Variants in SCMH1 observed in about 807,000 individuals in gnomAD.
The protein encoded by SCMH1 is Scm polycomb group protein homolog 1, also known as polycomb protein SCMH1.
A neutral mutation model predicts 70.8 loss-of-function variants in SCMH1; 37 were observed. The observed-to-expected ratio is 0.52, with a 90% CI of 0.40 to 0.69. The LOEUF is 0.69. Ranked by LOEUF, SCMH1 falls within the 30% of genes least tolerant of loss-of-function variation. The pLI, the probability that SCMH1 is intolerant of heterozygous loss-of-function variation, is 0.00. For missense variants in SCMH1, 607 were observed against 827.3 expected, an observed-to-expected ratio of 0.73 and a Z score of 3.27; for synonymous variants, 292 against 307.4, an observed-to-expected ratio of 0.95 and a Z score of 0.52.
chr1:41,028,553 T>C (rs766246549), intron 14 of SCMH1, 31 bp downstream of exon 15: 1 of 1,613,690 alleles, frequency 6.2e-7, no homozygotes, highest in Non-Finnish European at 8.5e-7. Context: ...CCACACAGGT[T>C]CCTACTGAGA....
At chr1:41,218,595 T>C (rs1273994709) in intron 1 of SCMH1, among the ~76,000 whole-genome samples, 1 of 152,144 alleles carries the variant, frequency 6.6e-6, no homozygotes, top group East Asian at 1.9e-4. Context: ...AGAGAATAAA[T>C]TTCTGTTGTT....
intron 1 of SCMH1, among the ~76,000 whole-genome samples, chr1:41,238,289 A>C (rs1662801880): frequency 6.6e-6 from 1 of 152,224 alleles, no homozygotes; most frequent in Non-Finnish European, 1.5e-5. Flanking sequence ...ATTAAGTATT[A>C]GCAGAAAGGA....
chr1:41,194,464 G>A (rs192692875), intron 1 of SCMH1, among the ~76,000 whole-genome samples: 162 of 152,302 alleles, frequency 1.1e-3, no homozygotes, highest in African/African-American at 3.7e-3. Flanking sequence ...GATATGCAGT[G>A]AAATTAGATT....
chr1:41,119,609 G>C (rs1262769614), intron 6 of SCMH1, among the ~76,000 whole-genome samples: 1 of 152,106 alleles, frequency 6.6e-6, no homozygotes, highest in East Asian at 1.9e-4. Context: ...TCCCATGTTA[G>C]GCCAGTTGTT....
intron 6 of SCMH1, 147 bp downstream of exon 6, chr1:41,142,731 G>T: frequency 1.6e-6 from 1 of 640,768 alleles, no homozygotes; most frequent in Non-Finnish European, 2.7e-6. Flanking sequence ...TGTGCAGCTT[G>T]TTTCATTTTG....
intron 1 of SCMH1, among the ~76,000 whole-genome samples, chr1:41,236,123 A>G (rs536311475): frequency 6.6e-6 from 1 of 152,346 alleles, no homozygotes; most frequent in East Asian, 1.9e-4. Flanking sequence ...GCTAGATTGT[A>G]GTTTATGTGT....
chr1:41,028,120 G>A, exon 15 of SCMH1: 1 of 1,588,226 alleles, frequency 6.3e-7, no homozygotes, highest in Non-Finnish European at 8.6e-7. Context: ...TGCCTGGGGT[G>A]GGCTGATGCC....
intron 4 of SCMH1, among the ~76,000 whole-genome samples, chr1:41,151,986 G>A (rs918221657): frequency 1.3e-5 from 2 of 152,154 alleles, no homozygotes; most frequent in African/African-American, 4.8e-5. Flanking sequence ...AAGTGACCAG[G>A]AAGCTAATGG....
intron 8 of SCMH1, among the ~76,000 whole-genome samples, chr1:41,107,265 C>T (rs1053004187): frequency 3.7e-4 from 56 of 151,948 alleles, no homozygotes; most frequent in African/African-American, 1.3e-3. Flanking sequence ...AGGTTGGGGT[C>T]CCTCTGTACT....
chr1:41,125,862 A>G (rs1673062843), intron 6 of SCMH1, among the ~76,000 whole-genome samples: 1 of 152,162 alleles, frequency 6.6e-6, no homozygotes, highest in African/African-American at 2.4e-5. Flanking sequence ...CAGGTGTATC[A>G]GGTGATTTTT....
At chr1:41,233,521 T>A (rs1037980014) in intron 1 of SCMH1, among the ~76,000 whole-genome samples, 3 of 152,232 alleles carry the variant, frequency 2.0e-5, no homozygotes, top group South Asian at 4.1e-4. Flanking sequence ...GGAGATGATC[T>A]ATTTTTAATA....
intron 1 of SCMH1, among the ~76,000 whole-genome samples, chr1:41,193,470 G>T (rs74069099): frequency 0.013 from 1,962 of 152,070 alleles, 41 homozygotes; most frequent in African/African-American, 0.045. Context: ...ACAGAGATTT[G>T]CTATAAAAAG....
At chr1:41,160,996 T>G (rs1645973183) in intron 3 of SCMH1, 98 bp from the exon 4 acceptor site, 7 of 1,210,052 alleles carry the variant, frequency 5.8e-6, no homozygotes, top group Non-Finnish European at 8.3e-6. Flanking sequence ...ATCGAGTATT[T>G]GTCTAGTTCA....
intron 8 of SCMH1, among the ~76,000 whole-genome samples, chr1:41,093,940 C>T (rs6600366): frequency 0.85 from 129,436 of 152,194 alleles, 55,535 homozygotes; most frequent in East Asian, 0.96. Flanking sequence ...TTTGAGAAAA[C>T]GTCTGCCAAA....
chr1:41,193,626 A>G (rs1420771520), intron 1 of SCMH1, among the ~76,000 whole-genome samples: 1 of 152,104 alleles, frequency 6.6e-6, no homozygotes, highest in Non-Finnish European at 1.5e-5. Context: ...AATTATGTGG[A>G]ATTGAACATA....
intron 1 of SCMH1, among the ~76,000 whole-genome samples, chr1:41,221,819 G>A (rs1167377026): frequency 2.7e-5 from 4 of 149,432 alleles, no homozygotes; most frequent in Non-Finnish European, 5.9e-5. Flanking sequence ...TTAAACCCGG[G>A]AGGCAGAGGT....
intron 6 of SCMH1, among the ~76,000 whole-genome samples, chr1:41,140,070 T>C (rs1643904016): frequency 6.6e-6 from 1 of 152,126 alleles, no homozygotes; most frequent in Non-Finnish European, 1.5e-5. Context: ...AAATAAACAC[T>C]GTTAATAATC....
chr1:41,188,628 A>G (rs1220122020), intron 1 of SCMH1, among the ~76,000 whole-genome samples: 1 of 152,234 alleles, frequency 6.6e-6, no homozygotes, highest in Admixed American at 6.5e-5. Context: ...TGAAAGAAGT[A>G]TAATAGGTAG....
At chr1:41,051,358 ATT>A (rs1196282930) in intron 10 of SCMH1, among the ~76,000 whole-genome samples, 3 of 152,234 alleles carry the variant, frequency 2.0e-5, no homozygotes, top group Non-Finnish European at 4.4e-5. Flanking sequence ...TATGTTACTG[ATT>A]TGTGTATTTA....
Sources: gnomAD v4.1 joint callset for allele counts (sites outside exome capture counted in the v4.1 genomes callset) on GRCh38, gnomAD v4.1.1 for gene constraint, MANE v1.5 for transcripts, NCBI Gene and HGNC (gene_info 2026-07-23, HGNC 2026-07-21) for gene names.